The following TIPARP variants were observed in gnomAD, a reference collection of about 807,000 sequenced individuals.
TIPARP encodes TCDD inducible poly(ADP-ribose) polymerase.
Under a neutral mutation model 56.5 loss-of-function variants are expected in TIPARP, and 12 were observed. The ratio of observed to expected loss-of-function variants is 0.21; its 90% CI spans 0.14 to 0.34. TIPARP has a LOEUF of 0.34. TIPARP is among the 10% of genes least tolerant of loss of function. The pLI, the probability that TIPARP is intolerant of heterozygous loss-of-function variation, is 1.00. For synonymous variants in TIPARP, 296 were observed against 265.7 expected (o/e 1.11, Z -1.11); for missense variants, 604 against 781.6 (o/e 0.77, Z 2.71).
Position 156,695,974 on chromosome 3 carries a change from T to G in TIPARP, c.1196T>G (p.Ile399Arg), listed in dbSNP as rs768134379. The change falls in exon 4 of 6, where the codon ATA (isoleucine) becomes AGA (arginine). Residue 399 changes from isoleucine to arginine, a missense_variant. Coordinates refer to ENST00000295924, the MANE Select transcript of TIPARP (RefSeq NM_015508.5). The stretch of plus-strand genomic sequence containing the variant: ...CACAATTCATTCTTCAGGAGAGAGA[T>G]AAAAAGGAGACCCCTCTTCCGCTCC... The part of the protein sequence containing the change: ...ILHNSFFRRE[I>R]KRRPLFRSCF... 1.2e-5 allele frequency: 19 copies of G among 1,612,436 alleles called. No individual in the cohort carries two copies. The Middle Eastern group carries it at 4.9e-4, about 42-fold the overall frequency.
At chr3:156,689,402 T>C (rs771840926) in intron 2 of TIPARP, among the ~76,000 whole-genome samples, 1 of 152,214 alleles carries the variant, frequency 6.6e-6, no homozygotes, top group Non-Finnish European at 1.5e-5. Flanking sequence ...TCTTGTGCAG[T>C]TCTAATAACT....
At chr3:156,695,171 C>T (rs917708288) in intron 3 of TIPARP, among the ~76,000 whole-genome samples, 1 of 151,636 alleles carries the variant, frequency 6.6e-6, no homozygotes, top group Non-Finnish European at 1.5e-5. Context: ...GGGTTTAGAG[C>T]TTGAACTTTA....
At chr3:156,684,333 G>T (rs1722376272) in intron 2 of TIPARP, among the ~76,000 whole-genome samples, 2 of 152,182 alleles carry the variant, frequency 1.3e-5, no homozygotes, top group African/African-American at 2.4e-5. Context: ...GTGATAGCCT[G>T]AGATCTTGAT....
intron 2 of TIPARP, among the ~76,000 whole-genome samples, chr3:156,693,645 TTCTG>T (rs958905587): frequency 1.3e-5 from 2 of 152,172 alleles, no homozygotes; most frequent in African/African-American, 2.4e-5. Context: ...AAGAGAAATT[TTCTG>T]TCTATGTTTA....
intron 4 of TIPARP, among the ~76,000 whole-genome samples, chr3:156,699,582 A>G (rs563025883): frequency 2.6e-5 from 4 of 152,320 alleles, no homozygotes; most frequent in African/African-American, 9.6e-5. Context: ...ACTATGGTAT[A>G]GTATAAACAT....
chr3:156,682,014 T>G (rs1722320976), intron 2 of TIPARP, among the ~76,000 whole-genome samples: 1 of 152,218 alleles, frequency 6.6e-6, no homozygotes, highest in Non-Finnish European at 1.5e-5. Context: ...TTAAGCAGTT[T>G]TAAAAGAGCC....
At chr3:156,691,821 A>G (rs1722583113) in intron 2 of TIPARP, among the ~76,000 whole-genome samples, 1 of 152,198 alleles carries the variant, frequency 6.6e-6, no homozygotes, top group African/African-American at 2.4e-5. Flanking sequence ...ATAGAGCTAA[A>G]ACAGTACTTT....
chr3:156,692,836 G>C (rs1722610495), intron 2 of TIPARP, among the ~76,000 whole-genome samples: 1 of 152,080 alleles, frequency 6.6e-6, no homozygotes, highest in African/African-American at 2.4e-5. Flanking sequence ...GTGCTAGCTA[G>C]CAAAACCCGT....
chr3:156,692,577 C>T (rs1196451007), intron 2 of TIPARP, among the ~76,000 whole-genome samples: 1 of 152,018 alleles, frequency 6.6e-6, no homozygotes, highest in Non-Finnish European at 1.5e-5. Flanking sequence ...GGTTTATTGG[C>T]AAGATCTTTA....
chr3:156,697,267 A>C (rs1722737203), intron 4 of TIPARP, among the ~76,000 whole-genome samples: 1 of 152,164 alleles, frequency 6.6e-6, no homozygotes, highest in Admixed American at 6.5e-5. Context: ...AGAACCCATT[A>C]GTGAGACCAG....
chr3:156,696,956 A>G (rs1722730816), intron 4 of TIPARP, among the ~76,000 whole-genome samples: 1 of 152,180 alleles, frequency 6.6e-6, no homozygotes, highest in Non-Finnish European at 1.5e-5. Flanking sequence ...TGTTATGAGA[A>G]AATCTTAGTG....
Position 156,677,637 on chromosome 3 carries a change from C to G in TIPARP, c.-41-20C>G. On this transcript the variant is annotated intron_variant, in intron 1 of 5. Transcript: ENST00000295924. ...TTGCTGTCAGTTTGTAAATGATCAT[C>G]TTCCTTCCTTTCCTCGTAGGATTTT... The G allele has an allele frequency of 6.8e-7, 1 of 1,464,126 alleles. No homozygotes were observed. The allele number at this position is 1,464,126 out of a possible 1,614,324, so 90.7% of individuals were successfully genotyped here.
chr3:156,694,447 C>T (rs1317105972), intron 3 of TIPARP, among the ~76,000 whole-genome samples: 2 of 152,142 alleles, frequency 1.3e-5, no homozygotes, highest in East Asian at 3.8e-4. Context: ...CAGAATCTTG[C>T]ATTATAGAGA....
intron 2 of TIPARP, among the ~76,000 whole-genome samples, chr3:156,682,442 T>C (rs140043433): frequency 3.3e-5 from 5 of 152,340 alleles, no homozygotes; most frequent in Non-Finnish European, 4.4e-5. Context: ...TTTTGATTGC[T>C]AATTGCCCTT....
At chr3:156,693,309 T>C (rs1351753152) in intron 2 of TIPARP, among the ~76,000 whole-genome samples, 1 of 152,180 alleles carries the variant, frequency 6.6e-6, no homozygotes, top group Non-Finnish European at 1.5e-5. Context: ...TAAATGAGTC[T>C]GATTCATATA....
chr3:156,686,852 GTATTA>G (rs1380495080), intron 2 of TIPARP, among the ~76,000 whole-genome samples: 5 of 152,026 alleles, frequency 3.3e-5, no homozygotes, highest in South Asian at 2.1e-4. Flanking sequence ...TTTACATATA[GTATTA>G]TATTTATGTA....
At chr3:156,695,842 T>TTTGTTTTGTTTTTTCC in intron 3 of TIPARP, 23 bp from the exon 4 acceptor site, 1 of 1,396,938 alleles carries the variant, frequency 7.2e-7, no homozygotes, top group Non-Finnish European at 9.3e-7. Context: ...TTTTTTTTTT[T>TTTGTTTTGTTTTTTCC]TGTTCTGTTT....
At chr3:156,677,348 C>T (rs547159051) in intron 1 of TIPARP, among the ~76,000 whole-genome samples, 1 of 152,300 alleles carries the variant, frequency 6.6e-6, no homozygotes, top group South Asian at 2.1e-4. Flanking sequence ...CCACCCCACT[C>T]TAACCTTATA....
intron 2 of TIPARP, among the ~76,000 whole-genome samples, chr3:156,691,324 A>G (rs572192929): frequency 3.0e-4 from 46 of 152,332 alleles, no homozygotes; most frequent in African/African-American, 5.1e-4. Context: ...CTGGATGCCA[A>G]TAACCACCTC....
Sources: gnomAD v4.1 joint callset for allele counts (sites outside exome capture counted in the v4.1 genomes callset) on GRCh38, gnomAD v4.1.1 for gene constraint, MANE v1.5 for transcripts, NCBI Gene and HGNC (gene_info 2026-07-23, HGNC 2026-07-21) for gene names.